Variants in SH2D4B observed in about 807,000 individuals in gnomAD.
SH2D4B encodes the protein SH2 domain containing 4B.
Under a neutral mutation model 61.5 loss-of-function variants are expected in SH2D4B, and 45 were observed. The observed-to-expected ratio is 0.73, with a 90% CI of 0.58 to 0.94. The LOEUF (loss-of-function observed/expected upper bound fraction) is 0.94, where lower values mean the gene tolerates loss of function less well. SH2D4B is among the 40% of genes least tolerant of loss of function. The pLI is 0.00. For synonymous variants in SH2D4B, 224 were observed against 220.4 expected, an observed-to-expected ratio of 1.02 and a Z score of -0.14; for missense variants, 572 against 574.2, an observed-to-expected ratio of 1.00 and a Z score of 0.04.
At chr10:80,622,336 A>G (rs539482621) in intron 6 of SH2D4B, among the ~76,000 whole-genome samples, 2 of 152,236 alleles carry the variant, frequency 1.3e-5, no homozygotes, top group East Asian at 3.9e-4. Context: ...ACTTTTTCAC[A>G]TGATGATGTT....
chr10:80,601,230 T>C (rs546482150), intron 4 of SH2D4B, among the ~76,000 whole-genome samples: 1 of 152,338 alleles, frequency 6.6e-6, no homozygotes, highest in South Asian at 2.1e-4. Context: ...TGGAAAACTC[T>C]TATTGATCTT....
chr10:80,636,416 A>T (rs184098173), intron 7 of SH2D4B, among the ~76,000 whole-genome samples: 1 of 152,314 alleles, frequency 6.6e-6, no homozygotes, highest in East Asian at 1.9e-4. Flanking sequence ...TCCCACCAAC[A>T]GTGTAAAAGT....
intron 6 of SH2D4B, among the ~76,000 whole-genome samples, chr10:80,630,340 GTCTC>G: frequency 6.6e-6 from 1 of 152,354 alleles, no homozygotes; most frequent in African/African-American, 2.4e-5. Context: ...CCAGCAACAG[GTCTC>G]TGTCTTGGAG....
At chr10:80,607,413 TCTGTAGGG>T (rs1240123961) in intron 5 of SH2D4B, 4 of 152,262 alleles carry the variant, frequency 2.6e-5, no homozygotes, top group Non-Finnish European at 5.9e-5. Context: ...AGGCTGGCTC[TCTGTAGGG>T]CTGTAGGGGG....
intron 1 of SH2D4B, among the ~76,000 whole-genome samples, chr10:80,566,297 CTTTT>C (rs75474550): frequency 3.8e-5 from 5 of 130,466 alleles, no homozygotes; most frequent in Admixed American, 7.8e-5. Context: ...AGATCAATTT[CTTTT>C]TTTTTTTTTT....
chr10:80,551,022 A>G (rs1841753566), intron 1 of SH2D4B, among the ~76,000 whole-genome samples: 1 of 152,226 alleles, frequency 6.6e-6, no homozygotes, highest in Admixed American at 6.5e-5. Context: ...CAAGGAAAAG[A>G]AAAAGAAAAA....
chr10:80,615,004 T>C (rs1212405321), intron 6 of SH2D4B, among the ~76,000 whole-genome samples: 1 of 152,206 alleles, frequency 6.6e-6, no homozygotes, highest in Non-Finnish European at 1.5e-5. Context: ...CCACTGGCCA[T>C]CCTGCAGGGA....
intron 6 of SH2D4B, among the ~76,000 whole-genome samples, chr10:80,624,335 A>ATGTC (rs1842749033): frequency 6.6e-6 from 1 of 152,354 alleles, no homozygotes; most frequent in South Asian, 2.1e-4. Flanking sequence ...GATTAAGGAC[A>ATGTC]GCTCCTCCAG....
chr10:80,550,429 T>A (rs899246646), intron 1 of SH2D4B, among the ~76,000 whole-genome samples: 10 of 151,948 alleles, frequency 6.6e-5, no homozygotes, highest in African/African-American at 1.9e-4. Flanking sequence ...CCATCTCTAC[T>A]AAAAGTACAA....
intron 7 of SH2D4B, among the ~76,000 whole-genome samples, chr10:80,634,926 C>A (rs185977212): frequency 7.9e-5 from 12 of 152,256 alleles, no homozygotes; most frequent in Admixed American, 3.9e-4. Flanking sequence ...AGTAGGCAAC[C>A]CTGTGATTAG....
At position 80,603,574 on chromosome 10, in the gene SH2D4B, TC is replaced by T. The variant is rs1299022896; in HGVS notation, c.644-3del. 65 of 1,540,420 alleles carry T rather than the reference TC, an allele frequency of 4.2e-5. No individual in the cohort carries two copies. Among genetic ancestry groups the T allele is most frequent in the Non-Finnish European group, 5.4e-5 (61 of 1,139,146 alleles). Reference sequence around the variant, plus strand: ...TGGGCTAACGTGCTGTCTTCCTCTTTCCAGTGCGCCGGTCCAAGGCGGCTGA... The same window carrying T: ...TGGGCTAACGTGCTGTCTTCCTCTTTCAGTGCGCCGGTCCAAGGCGGCTGA... On this transcript the variant is annotated splice_polypyrimidine_tract_variant and splice_region_variant and intron_variant, in intron 4 of 7. Transcript: ENST00000646907.
intron 6 of SH2D4B, among the ~76,000 whole-genome samples, chr10:80,625,410 A>G (rs940010383): frequency 6.6e-6 from 1 of 152,236 alleles, no homozygotes; most frequent in Non-Finnish European, 1.5e-5. Context: ...TGCATAAAAC[A>G]TATGCATATC....
intron 3 of SH2D4B, among the ~76,000 whole-genome samples, chr10:80,572,986 A>ATTTTTTTTTTTTTTT (rs61401607): frequency 1.5e-3 from 13 of 8,878 alleles, no homozygotes; most frequent in Admixed American, 4.7e-3. Context: ...ATATATATAT[A>ATTTTTTTTTTTTTTT]TTTTTTTTTT....
At chr10:80,564,457 G>A (rs1841941671) in intron 1 of SH2D4B, among the ~76,000 whole-genome samples, 1 of 152,130 alleles carries the variant, frequency 6.6e-6, no homozygotes, top group African/African-American at 2.4e-5. Context: ...TTGGGATACT[G>A]CACTCACAGG....
chr10:80,563,974 C>G (rs146737021), intron 1 of SH2D4B, among the ~76,000 whole-genome samples: 1 of 152,180 alleles, frequency 6.6e-6, no homozygotes, highest in African/African-American at 2.4e-5. Flanking sequence ...ATATAAAACA[C>G]GTTGAACTGC....
intron 5 of SH2D4B, among the ~76,000 whole-genome samples, chr10:80,605,456 A>T (rs191646495): frequency 2.6e-4 from 40 of 152,146 alleles, no homozygotes; most frequent in Non-Finnish European, 4.4e-5. Context: ...TTTGATTTTC[A>T]TATGAAATTT....
intron 3 of SH2D4B, among the ~76,000 whole-genome samples, chr10:80,579,752 T>C (rs543723522): frequency 2.8e-4 from 42 of 152,156 alleles, no homozygotes; most frequent in Non-Finnish European, 5.3e-4. Flanking sequence ...TGAACTCCTA[T>C]ACAACTTTAG....
intron 1 of SH2D4B, among the ~76,000 whole-genome samples, chr10:80,553,598 C>T (rs1841790355): frequency 1.3e-5 from 2 of 152,162 alleles, no homozygotes; most frequent in Non-Finnish European, 2.9e-5. Context: ...TGTTCTTGTT[C>T]TAGCAAGAGA....
intron 1 of SH2D4B, among the ~76,000 whole-genome samples, chr10:80,560,101 C>T (rs1841884942): frequency 6.7e-6 from 1 of 150,168 alleles, no homozygotes; most frequent in African/African-American, 2.5e-5. Flanking sequence ...TATTCTCCTG[C>T]CTCAGCCTCC....
Sources: gnomAD v4.1 joint callset for allele counts (sites outside exome capture counted in the v4.1 genomes callset) on GRCh38, gnomAD v4.1.1 for gene constraint, MANE v1.5 for transcripts, NCBI Gene and HGNC (gene_info 2026-07-23, HGNC 2026-07-21) for gene names.